The following SLC71A2 variants were observed in gnomAD, a reference collection of about 807,000 sequenced individuals.
SLC71A2 encodes the protein hippocampus abundant transcript-like 1.
At chr9:94,451,527 GGTGA>G in the SLC71A2 span, 1 of 1,522,476 alleles carries the variant, frequency 6.6e-7, no homozygotes, top group Non-Finnish European at 8.9e-7. Context: ...TTGTGGCTCA[GGTGA>G]GTATCATTTT....
chr9:94,444,868 A>G, the SLC71A2 span: 1 of 1,102,142 alleles, frequency 9.1e-7, no homozygotes, highest in Non-Finnish European at 1.4e-6. Flanking sequence ...GCTTTCCTGA[A>G]GGTGTGCACC....
chr9:94,432,226 C>T, the SLC71A2 span, among the ~76,000 whole-genome samples: 5 of 152,032 alleles, frequency 3.3e-5, no homozygotes, highest in South Asian at 2.1e-4. Flanking sequence ...CTAGGTCAGA[C>T]GCAGTGGCTC....
the SLC71A2 span, among the ~76,000 whole-genome samples, chr9:94,407,949 GTT>G: frequency 6.6e-6 from 1 of 152,174 alleles, no homozygotes; most frequent in East Asian, 1.9e-4. Context: ...CTGCCCATCT[GTT>G]AGTCAGTCAG....
At chr9:94,454,842 C>T in the SLC71A2 span, among the ~76,000 whole-genome samples, 1 of 152,010 alleles carries the variant, frequency 6.6e-6, no homozygotes, top group Admixed American at 6.6e-5. Flanking sequence ...TGCATTCTGC[C>T]GCAGTTATTA....
chr9:94,406,730 C>T, the SLC71A2 span, among the ~76,000 whole-genome samples: 1 of 152,062 alleles, frequency 6.6e-6, no homozygotes, highest in African/African-American at 2.4e-5. Context: ...TATAGAAATG[C>T]AGCTGATTTT....
chr9:94,452,646 TTC>T, the SLC71A2 span, among the ~76,000 whole-genome samples: 2 of 90,328 alleles, frequency 2.2e-5, no homozygotes, highest in Non-Finnish European at 5.2e-5. Flanking sequence ...CATATATATA[TTC>T]ATATATATTC....
chr9:94,459,182 C>T, the SLC71A2 span: 1 of 1,613,928 alleles, frequency 6.2e-7, no homozygotes, highest in Non-Finnish European at 8.5e-7. Context: ...CCCAGGCCCG[C>T]CGTTTTTATT....
the SLC71A2 span, among the ~76,000 whole-genome samples, chr9:94,403,259 C>G: frequency 6.6e-6 from 1 of 152,180 alleles, no homozygotes; most frequent in African/African-American, 2.4e-5. Context: ...GCCTCAGCCT[C>G]TCAAGTAGCT....
the SLC71A2 span, among the ~76,000 whole-genome samples, chr9:94,414,253 T>C: frequency 4.6e-5 from 7 of 152,208 alleles, no homozygotes; most frequent in Admixed American, 2.6e-4. Context: ...CTGAGTGTAA[T>C]GTCACCACAA....
At chr9:94,425,460 G>T in the SLC71A2 span, among the ~76,000 whole-genome samples, 1 of 152,242 alleles carries the variant, frequency 6.6e-6, no homozygotes, top group South Asian at 2.1e-4. Flanking sequence ...AGGCAGTCTT[G>T]AGGAAAATGA....
chr9:94,395,604 A>T, the SLC71A2 span, among the ~76,000 whole-genome samples: 1 of 152,164 alleles, frequency 6.6e-6, no homozygotes, highest in South Asian at 2.1e-4. Context: ...ACTGTAGCAT[A>T]TCATTACACA....
the SLC71A2 span, chr9:94,458,433 C>T: frequency 2.2e-5 from 36 of 1,613,850 alleles, no homozygotes; most frequent in Non-Finnish European, 2.7e-5. Flanking sequence ...GAGTTGGGCC[C>T]GAAATTGAAT....
chr9:94,453,275 A>G, the SLC71A2 span, among the ~76,000 whole-genome samples: 3 of 151,042 alleles, frequency 2.0e-5, no homozygotes, highest in African/African-American at 7.3e-5. Context: ...TCAGCCTCCC[A>G]AATAGCTGGG....
chr9:94,397,295 C>A, the SLC71A2 span, among the ~76,000 whole-genome samples: 17 of 152,028 alleles, frequency 1.1e-4, no homozygotes, highest in Non-Finnish European at 8.8e-5. Flanking sequence ...AATTAATGAG[C>A]CAGTGTCCAT....
At chr9:94,387,179 G>C in the SLC71A2 span, among the ~76,000 whole-genome samples, 1 of 151,976 alleles carries the variant, frequency 6.6e-6, no homozygotes, top group South Asian at 2.1e-4. Context: ...CACTTCCTAG[G>C]AAAGGCACTA....
At chr9:94,390,589 C>G in the SLC71A2 span, among the ~76,000 whole-genome samples, 1 of 152,022 alleles carries the variant, frequency 6.6e-6, no homozygotes, top group Admixed American at 6.6e-5. Flanking sequence ...AATGGGCTAC[C>G]CAGTATGATA....
At chr9:94,381,916 A>G in the SLC71A2 span, among the ~76,000 whole-genome samples, 1 of 152,200 alleles carries the variant, frequency 6.6e-6, no homozygotes, top group South Asian at 2.1e-4. Context: ...CCATATCCTT[A>G]CCAACACCTG....
chr9:94,440,960 G>A, the SLC71A2 span: 1 of 1,444,656 alleles, frequency 6.9e-7, no homozygotes, highest in Non-Finnish European at 9.7e-7. Flanking sequence ...CTTTCCCTTG[G>A]GTCATTAAAA....
the SLC71A2 span, among the ~76,000 whole-genome samples, chr9:94,406,862 C>T: frequency 7.2e-5 from 11 of 152,222 alleles, no homozygotes; most frequent in African/African-American, 2.6e-4. Flanking sequence ...GATAATTTTA[C>T]TTCTTCATTT....
Sources: allele counts gnomAD v4.1 joint callset (sites outside exome capture counted in the v4.1 genomes callset), GRCh38; gene constraint gnomAD v4.1.1; transcripts MANE v1.5; gene names NCBI Gene and HGNC (gene_info 2026-07-23, HGNC 2026-07-21).